The following RAD51B variants were observed in gnomAD, a reference collection of about 807,000 sequenced individuals.
RAD51B encodes RAD51 paralog B, also known as DNA repair protein RAD51 homolog 2.
Under a neutral mutation model 42.2 loss-of-function variants are expected in RAD51B, and 38 were observed. The observed-to-expected ratio is 0.90, with a 90% CI of 0.70 to 1.18. The LOEUF is 1.18. Among genes scored for constraint, RAD51B ranks in the 50% most tolerant of loss-of-function variants. The pLI is 0.00. For missense variants in RAD51B, 373 were observed against 400.7 expected, an observed-to-expected ratio of 0.93 and a Z score of 0.59; for synonymous variants, 154 against 145.2, an observed-to-expected ratio of 1.06 and a Z score of -0.43.
At chr14:67,904,034 C>G (rs1316780557) in intron 7 of RAD51B, among the ~76,000 whole-genome samples, 2 of 152,108 alleles carry the variant, frequency 1.3e-5, no homozygotes, top group African/African-American at 2.4e-5. Flanking sequence ...CATTAATTAG[C>G]CTAGGATAAT....
At chr14:68,155,069 G>C (rs574743019) in intron 7 of RAD51B, among the ~76,000 whole-genome samples, 1 of 152,230 alleles carries the variant, frequency 6.6e-6, no homozygotes, top group Non-Finnish European at 1.5e-5. Context: ...TCAATGGGTA[G>C]ATTACTGAAT....
chr14:68,623,892 T>C (rs529331987), intron 10 of RAD51B, among the ~76,000 whole-genome samples: 3 of 152,350 alleles, frequency 2.0e-5, no homozygotes, highest in South Asian at 2.1e-4. Flanking sequence ...CTTCTTTCTG[T>C]TAAACTGCTT....
At chr14:68,615,319 C>T (rs1595029577), downstream of RAD51B, among the ~76,000 whole-genome samples, 1 of 152,082 alleles carries the variant, frequency 6.6e-6, no homozygotes, top group East Asian at 1.9e-4. Context: ...GGTACAGAAA[C>T]ATTTAGAATT....
chr14:67,854,823 A>G lies in RAD51B; in HGVS notation c.316-10180A>G, dbSNP rs2041934777. Among the ~76,000 whole-genome samples, 4 of 151,538 alleles carry G rather than the reference A, an allele frequency of 2.6e-5. No individual in the cohort carries two copies. The South Asian group carries it at 8.3e-4, about 32-fold the overall frequency. Reference sequence around the variant, plus strand: ...ACAAAAAGTAAAAAAAAAAAAAATTAGGTGTGGTGGTGCATGCCTATAGTC... The same window carrying G: ...ACAAAAAGTAAAAAAAAAAAAAATTGGGTGTGGTGGTGCATGCCTATAGTC... On this transcript the variant is annotated intron_variant, in intron 4 of 10. Transcript: ENST00000471583.
chr14:68,543,820 G>A (rs1888088166), intron 10 of RAD51B, among the ~76,000 whole-genome samples: 2 of 152,176 alleles, frequency 1.3e-5, no homozygotes, highest in Non-Finnish European at 2.9e-5. Flanking sequence ...AGGCAATTGA[G>A]GCATATTAAA....
At chr14:67,985,589 A>T (rs111359272) in intron 7 of RAD51B, among the ~76,000 whole-genome samples, 5,367 of 152,088 alleles carry the variant, frequency 0.035, 346 homozygotes, top group African/African-American at 0.12. Flanking sequence ...CTTTTCCTTG[A>T]CTTTTGTGAC....
At chr14:68,493,395 A>G (rs1227851532) in intron 10 of RAD51B, among the ~76,000 whole-genome samples, 2 of 152,108 alleles carry the variant, frequency 1.3e-5, no homozygotes, top group African/African-American at 4.8e-5. Context: ...TCCAAGAAAA[A>G]AACAGCCCTA....
At chr14:67,890,252 T>G (rs2140062825) in intron 7 of RAD51B, among the ~76,000 whole-genome samples, 1 of 152,234 alleles carries the variant, frequency 6.6e-6, no homozygotes, top group South Asian at 2.1e-4. Flanking sequence ...TAAAGAAAAT[T>G]TAGTTTGGCC....
At chr14:68,595,841 GAAA>G (rs967385509) in exon 11 of RAD51B, 8 of 298,944 alleles carry the variant, frequency 2.7e-5, no homozygotes, top group African/African-American at 1.7e-4. Flanking sequence ...AGTTCTGTAA[GAAA>G]AAAGTATTAT....
At chr14:68,223,609 A>G (rs2079974058) in intron 7 of RAD51B, among the ~76,000 whole-genome samples, 2 of 152,238 alleles carry the variant, frequency 1.3e-5, no homozygotes, top group South Asian at 4.1e-4. Flanking sequence ...GTTAAGCCTT[A>G]CATCCCATTC....
At chr14:68,365,329 C>T (rs2083119705) in intron 8 of RAD51B, among the ~76,000 whole-genome samples, 1 of 152,242 alleles carries the variant, frequency 6.6e-6, no homozygotes, top group Non-Finnish European at 1.5e-5. Flanking sequence ...GGTAACACCA[C>T]TGGAAGACAA....
intron 7 of RAD51B, among the ~76,000 whole-genome samples, chr14:68,054,149 C>T (rs2076436807): frequency 6.6e-6 from 1 of 152,172 alleles, no homozygotes; most frequent in Non-Finnish European, 1.5e-5. Context: ...ATACTATTAT[C>T]TAGTCTGCAG....
At chr14:68,015,520 A>G (rs2075763927) in intron 7 of RAD51B, among the ~76,000 whole-genome samples, 1 of 152,216 alleles carries the variant, frequency 6.6e-6, no homozygotes, top group South Asian at 2.1e-4. Context: ...GCGAAGGAGG[A>G]GCAAAGTCAT....
intron 8 of RAD51B, among the ~76,000 whole-genome samples, chr14:68,327,191 T>G (rs2082266394): frequency 6.6e-6 from 1 of 152,196 alleles, no homozygotes; most frequent in African/African-American, 2.4e-5. Context: ...ACTAAAATTT[T>G]AATAGATTTA....
At chr14:67,945,575 A>C (rs2045361016) in intron 7 of RAD51B, among the ~76,000 whole-genome samples, 1 of 152,148 alleles carries the variant, frequency 6.6e-6, no homozygotes, top group Non-Finnish European at 1.5e-5. Flanking sequence ...GGTTCAAGCG[A>C]TTCTCGTGCC....
At chr14:68,083,006 T>G (rs949077716) in intron 7 of RAD51B, among the ~76,000 whole-genome samples, 1 of 152,236 alleles carries the variant, frequency 6.6e-6, no homozygotes, top group Non-Finnish European at 1.5e-5. Flanking sequence ...TGTACATATA[T>G]GCTGGATCAC....
intron 7 of RAD51B, among the ~76,000 whole-genome samples, chr14:68,108,184 G>C (rs2140573680): frequency 6.6e-6 from 1 of 151,612 alleles, no homozygotes; most frequent in South Asian, 2.1e-4. Context: ...ACAAGTGTTG[G>C]TAAGAATATA....
chr14:68,438,021 A>C (rs995222408), intron 9 of RAD51B, among the ~76,000 whole-genome samples: 1 of 152,094 alleles, frequency 6.6e-6, no homozygotes, highest in Non-Finnish European at 1.5e-5. Context: ...CTGTACAATG[A>C]GTAGGGATCG....
At chr14:67,853,987 C>T (rs2041904376) in intron 4 of RAD51B, among the ~76,000 whole-genome samples, 1 of 152,180 alleles carries the variant, frequency 6.6e-6, no homozygotes, top group Non-Finnish European at 1.5e-5. Context: ...GGCATTGTTC[C>T]ATTCCCTGAG....
Sources: gnomAD v4.1 joint callset for allele counts (sites outside exome capture counted in the v4.1 genomes callset) on GRCh38, gnomAD v4.1.1 for gene constraint, MANE v1.5 for transcripts, NCBI Gene and HGNC (gene_info 2026-07-23, HGNC 2026-07-21) for gene names.